COL25A1: variants seen among roughly 807,000 people sequenced by gnomAD.
COL25A1 encodes the protein collagen type XXV alpha 1 chain.
A neutral mutation model predicts 128.4 loss-of-function variants in COL25A1; 103 were observed. That is an observed-to-expected ratio of 0.80 (90% confidence interval 0.68 to 0.94). The LOEUF (loss-of-function observed/expected upper bound fraction) is 0.94, where lower values mean the gene tolerates loss of function less well. Ranked by LOEUF, COL25A1 falls within the 40% of genes least tolerant of loss-of-function variation. The pLI is 0.00. For missense variants in COL25A1, 745 were observed against 840.0 expected, an observed-to-expected ratio of 0.89 and a Z score of 1.40; for synonymous variants, 279 against 277.2, an observed-to-expected ratio of 1.01 and a Z score of -0.06.
chr4:108,952,097 G>T (rs1264638668), intron 8 of COL25A1, among the ~76,000 whole-genome samples: 1 of 151,954 alleles, frequency 6.6e-6, no homozygotes, highest in Non-Finnish European at 1.5e-5. Flanking sequence ...TAATTATAGA[G>T]AAGTCTAAAA....
chr4:108,922,209 A>AT (rs1560868450), intron 11 of COL25A1, among the ~76,000 whole-genome samples: 1 of 152,154 alleles, frequency 6.6e-6, no homozygotes, highest in East Asian at 1.9e-4. Flanking sequence ...TGGAAAGTAA[A>AT]TGTTCGTGCT....
chr4:108,864,065 A>G (rs1486133208), intron 20 of COL25A1, among the ~76,000 whole-genome samples: 3 of 152,104 alleles, frequency 2.0e-5, no homozygotes, highest in Non-Finnish European at 4.4e-5. Context: ...TCATCTATCT[A>G]TCTCCCTATA....
At chr4:109,121,273 A>T (rs1385189798) in intron 3 of COL25A1, among the ~76,000 whole-genome samples, 1 of 152,126 alleles carries the variant, frequency 6.6e-6, no homozygotes, top group South Asian at 2.1e-4. Context: ...GTGACAAACT[A>T]TGAAAAATAT....
intron 3 of COL25A1, among the ~76,000 whole-genome samples, chr4:109,123,719 A>G (rs1372184447): frequency 6.6e-6 from 1 of 152,144 alleles, no homozygotes; most frequent in African/African-American, 2.4e-5. Flanking sequence ...CCACATTAAC[A>G]TAAAGAATCA....
intron 3 of COL25A1, among the ~76,000 whole-genome samples, chr4:109,125,364 C>G (rs1768496665): frequency 6.6e-6 from 1 of 152,076 alleles, no homozygotes; most frequent in Non-Finnish European, 1.5e-5. Context: ...CAGGAAGTAA[C>G]ACTTCTAAAT....
At chr4:108,921,733 G>T (rs532625694) in intron 11 of COL25A1, among the ~76,000 whole-genome samples, 1 of 152,250 alleles carries the variant, frequency 6.6e-6, no homozygotes, top group Admixed American at 6.5e-5. Flanking sequence ...AAGACTAACA[G>T]TTTCCTCATA....
At chr4:109,131,104 C>T (rs916767794) in intron 3 of COL25A1, among the ~76,000 whole-genome samples, 11 of 151,904 alleles carry the variant, frequency 7.2e-5, no homozygotes, top group Non-Finnish European at 1.3e-4. Context: ...TCATGATTAG[C>T]CTTATATGAC....
At chr4:108,994,165 G>A (rs1754511808) in intron 6 of COL25A1, among the ~76,000 whole-genome samples, 1 of 152,218 alleles carries the variant, frequency 6.6e-6, no homozygotes, top group Non-Finnish European at 1.5e-5. Context: ...GCCTCATCCA[G>A]GAAACTCAAG....
intron 11 of COL25A1, among the ~76,000 whole-genome samples, chr4:108,928,877 C>T (rs1214215170): frequency 6.6e-6 from 1 of 152,070 alleles, no homozygotes; most frequent in Non-Finnish European, 1.5e-5. Context: ...CCATATGTAG[C>T]TAATGGTGAC....
chr4:109,257,654 T>C (rs959957354), intron 3 of COL25A1, among the ~76,000 whole-genome samples: 5 of 152,214 alleles, frequency 3.3e-5, no homozygotes, highest in African/African-American at 1.2e-4. Context: ...ATCAAAGACA[T>C]TGTTATTCCA....
intron 6 of COL25A1, among the ~76,000 whole-genome samples, chr4:108,995,209 T>C (rs1754642907): frequency 6.6e-6 from 1 of 152,172 alleles, no homozygotes; most frequent in Non-Finnish European, 1.5e-5. Flanking sequence ...ACAAGGAAGC[T>C]AAAAACCTTG....
intron 8 of COL25A1, among the ~76,000 whole-genome samples, chr4:108,962,162 A>G (rs1578902771): frequency 6.7e-6 from 1 of 148,180 alleles, no homozygotes; most frequent in African/African-American, 2.5e-5. Context: ...TTTGTTTTCC[A>G]CCACCATTTC....
chr4:108,864,739 C>A (rs2125798359), intron 20 of COL25A1, among the ~76,000 whole-genome samples: 1 of 152,240 alleles, frequency 6.6e-6, no homozygotes, highest in South Asian at 2.1e-4. Context: ...GGGTTTATTT[C>A]ATAATTATTG....
At chr4:109,173,435 T>C (rs1179407571) in intron 3 of COL25A1, among the ~76,000 whole-genome samples, 1 of 152,190 alleles carries the variant, frequency 6.6e-6, no homozygotes, top group Admixed American at 6.5e-5. Flanking sequence ...TCCTGACTGA[T>C]ATATTATGGG....
At chr4:109,283,716 T>A (rs1723605218) in intron 3 of COL25A1, among the ~76,000 whole-genome samples, 1 of 152,210 alleles carries the variant, frequency 6.6e-6, no homozygotes, top group South Asian at 2.1e-4. Flanking sequence ...CAACCCAGAG[T>A]ATCTTCATTT....
intron 6 of COL25A1, among the ~76,000 whole-genome samples, chr4:108,983,189 T>C (rs1316030952): frequency 2.0e-5 from 3 of 151,952 alleles, no homozygotes; most frequent in Non-Finnish European, 4.4e-5. Context: ...TAACTTTGAT[T>C]TTTTTTTAAC....
At chr4:109,192,130 T>C (rs563421397) in intron 3 of COL25A1, among the ~76,000 whole-genome samples, 2 of 152,168 alleles carry the variant, frequency 1.3e-5, no homozygotes, top group Non-Finnish European at 2.9e-5. Context: ...GTGATTCCAT[T>C]TGGCTAGAAT....
chr4:109,271,004 T>A (rs748580987), intron 3 of COL25A1, among the ~76,000 whole-genome samples: 6 of 152,084 alleles, frequency 3.9e-5, no homozygotes, highest in Non-Finnish European at 8.8e-5. Context: ...ACTGGAAGGA[T>A]TTTAGTAATT....
intron 5 of COL25A1, among the ~76,000 whole-genome samples, chr4:109,015,008 G>A (rs749029973): frequency 2.6e-5 from 4 of 152,130 alleles, no homozygotes; most frequent in East Asian, 3.9e-4. Flanking sequence ...TCTTGCAGTC[G>A]TCCTAATAGA....
Sources: gnomAD v4.1 joint callset for allele counts (sites outside exome capture counted in the v4.1 genomes callset) on GRCh38, gnomAD v4.1.1 for gene constraint, MANE v1.5 for transcripts, NCBI Gene and HGNC (gene_info 2026-07-23, HGNC 2026-07-21) for gene names.